The following NR3C2 variants were observed in gnomAD, a reference collection of about 807,000 sequenced individuals.
NR3C2 encodes mineralocorticoid receptor.
NR3C2 carries 15 observed loss-of-function variants against 86.4 expected under a neutral mutation model. That is an observed-to-expected ratio of 0.17 (90% CI 0.12 to 0.27). The LOEUF (loss-of-function observed/expected upper bound fraction) is 0.27, where lower values mean the gene tolerates loss of function less well. Ranked by LOEUF, NR3C2 falls within the 10% of genes least tolerant of loss-of-function variation. The pLI is 1.00. For synonymous variants in NR3C2, 458 were observed against 450.5 expected (o/e 1.02, Z -0.21); for missense variants, 960 against 1,195.6 (o/e 0.80, Z 2.91).
intron 2 of NR3C2, among the ~76,000 whole-genome samples, chr4:148,361,255 G>A (rs1455057900): frequency 1.3e-5 from 2 of 152,128 alleles, no homozygotes; most frequent in African/African-American, 4.8e-5. Flanking sequence ...CAGTTACCCA[G>A]AATCAATTTA....
At position 148,337,096 on chromosome 4, in the gene NR3C2, C is replaced by T. The variant is rs557733609; in HGVS notation, c.1758-76979G>A. On this transcript the variant is annotated intron_variant, in intron 2 of 8. Coordinates refer to ENST00000358102, the MANE Select transcript of NR3C2 (RefSeq NM_000901.5). ...AGGCGTGAGCCACCACACCCAGCCA[C>T]GAAGTTTTCATACTGTAATATTATG... Among the ~76,000 whole-genome samples the T allele has an allele frequency of 5.7e-4, 86 of 152,038 alleles. 1 individual carries two copies. The highest frequency in any genetic ancestry group is 1.9e-3 in the African/African-American group (80 of 41,490).
intron 2 of NR3C2, among the ~76,000 whole-genome samples, chr4:148,326,332 C>G (rs533768096): frequency 6.6e-6 from 1 of 152,038 alleles, no homozygotes; most frequent in South Asian, 2.1e-4. Flanking sequence ...ACCCAGGAGG[C>G]GGAGCCTGCA....
intron 2 of NR3C2, among the ~76,000 whole-genome samples, chr4:148,413,620 T>C (rs755222015): frequency 6.6e-6 from 1 of 152,086 alleles, no homozygotes; most frequent in Non-Finnish European, 1.5e-5. Context: ...TTAATACCTT[T>C]GACAAATCAA....
rs73853765 is a variant in NR3C2, at chr4:148,155,122, T to A, written c.2015-221A>T. ...TCCTTCTTTCATTCATTTTTACAAGTCTTCACTGCCTGTCTCCTATAAGAG... is the reference window on the plus strand; with the variant it reads ...TCCTTCTTTCATTCATTTTTACAAGACTTCACTGCCTGTCTCCTATAAGAG... On this transcript the variant is annotated intron_variant, in intron 4 of 8. Coordinates refer to ENST00000358102, the MANE Select transcript of NR3C2 (RefSeq NM_000901.5). Among the ~76,000 whole-genome samples the A allele has an allele frequency of 7.8e-3, 1,184 of 152,260 alleles. 17 individuals carry two copies. The highest frequency in any genetic ancestry group is 0.027 in the African/African-American group (1,127 of 41,540).
At chr4:148,219,469 A>G (rs1737718034) in intron 3 of NR3C2, among the ~76,000 whole-genome samples, 1 of 152,210 alleles carries the variant, frequency 6.6e-6, no homozygotes, top group Admixed American at 6.5e-5. Flanking sequence ...GGTCTCAGGG[A>G]CTGTTATGGG....
At chr4:148,443,253 A>AAAAG (rs1560742809), upstream of NR3C2, among the ~76,000 whole-genome samples, 8 of 134,576 alleles carry the variant, frequency 5.9e-5, no homozygotes, top group Non-Finnish European at 9.6e-5. Flanking sequence ...AAAAAAAAAA[A>AAAAG]AGAGAGAGAG....
At chr4:148,221,357 A>G (rs1224443963) in intron 3 of NR3C2, among the ~76,000 whole-genome samples, 7 of 152,236 alleles carry the variant, frequency 4.6e-5, no homozygotes, top group African/African-American at 1.4e-4. Flanking sequence ...ATTCTTTCTC[A>G]TTCACTGTAC....
At chr4:148,284,982 GGGACAGACTT>G (rs1280564104) in intron 2 of NR3C2, among the ~76,000 whole-genome samples, 3 of 152,212 alleles carry the variant, frequency 2.0e-5, no homozygotes, top group African/African-American at 7.2e-5. Flanking sequence ...GGTACTGGCA[GGGACAGACTT>G]GAATCTAGGT....
At chr4:148,242,103 A>G (rs946637265) in intron 3 of NR3C2, among the ~76,000 whole-genome samples, 28 of 152,200 alleles carry the variant, frequency 1.8e-4, no homozygotes, top group African/African-American at 6.8e-4. Context: ...GCAAGATGAA[A>G]AAAGTTCTGG....
intron 4 of NR3C2, among the ~76,000 whole-genome samples, chr4:148,158,660 G>C (rs942925627): frequency 1.3e-5 from 2 of 152,166 alleles, no homozygotes; most frequent in African/African-American, 4.8e-5. Flanking sequence ...TATTAAAAGT[G>C]ACTTTTTTTG....
chr4:148,243,210 A>G (rs559628098), intron 3 of NR3C2, among the ~76,000 whole-genome samples: 1 of 151,682 alleles, frequency 6.6e-6, no homozygotes, highest in South Asian at 2.1e-4. Context: ...TTTGTTTTTT[A>G]TAGAGATGGA....
At chr4:148,301,250 TAAA>T (rs896965778) in intron 2 of NR3C2, among the ~76,000 whole-genome samples, 14 of 152,150 alleles carry the variant, frequency 9.2e-5, no homozygotes, top group Non-Finnish European at 1.6e-4. Flanking sequence ...TTAACTGACT[TAAA>T]GAAGGATAAG....
rs187512573 is a variant in NR3C2 at position 148,103,077 on chromosome 4, G to C, written c.2799+11027C>G. ...ATCAGCATGCTTCTCCCTCCCTTGG[G>C]ATGTTAACTCCTTTGGCTTAGAATA... is the stretch of plus-strand genomic sequence containing the variant. On this transcript the variant is annotated intron_variant, in intron 8 of 8. Coordinates refer to ENST00000358102, the MANE Select transcript of NR3C2 (RefSeq NM_000901.5). Among the ~76,000 whole-genome samples the C allele has an allele frequency of 1.9e-3, 286 of 152,212 alleles. 1 individual carries two copies. The highest frequency in any genetic ancestry group is 3.4e-3 in the Non-Finnish European group (232 of 67,996).
chr4:148,333,684 C>T (rs1340824294), intron 2 of NR3C2, among the ~76,000 whole-genome samples: 1 of 152,102 alleles, frequency 6.6e-6, no homozygotes, highest in East Asian at 1.9e-4. Context: ...ATAACTGAAC[C>T]TACCCCTAGC....
intron 6 of NR3C2, among the ~76,000 whole-genome samples, chr4:148,148,357 T>A (rs886881630): frequency 1.3e-5 from 2 of 152,212 alleles, no homozygotes; most frequent in African/African-American, 4.8e-5. Flanking sequence ...TCCTGTCTGG[T>A]CTCCCAACAT....
At chr4:148,166,765 G>A (rs925427840) in intron 4 of NR3C2, among the ~76,000 whole-genome samples, 2 of 150,924 alleles carry the variant, frequency 1.3e-5, no homozygotes, top group African/African-American at 4.9e-5. Context: ...CCATTCATAC[G>A]AGATTGAACA....
chr4:148,293,126 T>G (rs1741875627), intron 2 of NR3C2, among the ~76,000 whole-genome samples: 1 of 152,156 alleles, frequency 6.6e-6, no homozygotes, highest in African/African-American at 2.4e-5. Flanking sequence ...CTTTTTAACT[T>G]GGAATTATAT....
rs200964118 is a variant in NR3C2 at position 148,438,605 on chromosome 4, TA to T, written c.-2-1744del. Among the ~76,000 whole-genome samples the T allele has an allele frequency of 2.4e-4, 36 of 150,664 alleles. 1 individual carries two copies. The highest frequency in any genetic ancestry group is 9.9e-4 in the Admixed American group (15 of 15,138). On this transcript the variant is annotated intron_variant, in intron 1 of 8. Transcript: ENST00000358102. ...CCACCCTGCCTACCTTCCCTTCATT[TA>T]AAAAAAAACAAAAAACACGAAGTCC... is the stretch of plus-strand genomic sequence containing the variant.
At chr4:148,088,699 C>T (rs1426515166) in intron 8 of NR3C2, among the ~76,000 whole-genome samples, 1 of 150,900 alleles carries the variant, frequency 6.6e-6, no homozygotes, top group African/African-American at 2.4e-5. Context: ...GAACATCACA[C>T]ACTGGGGCCT....
Sources: allele counts gnomAD v4.1 joint callset (sites outside exome capture counted in the v4.1 genomes callset), GRCh38; gene constraint gnomAD v4.1.1; transcripts MANE v1.5; gene names NCBI Gene and HGNC (gene_info 2026-07-23, HGNC 2026-07-21).